The following ACSM4 variants were observed in gnomAD, a reference collection of about 807,000 sequenced individuals.
ACSM4 encodes the protein acyl-CoA synthetase medium chain family member 4.
Under a neutral mutation model 73.0 loss-of-function variants are expected in ACSM4, and 66 were observed. The ratio of observed to expected loss-of-function variants is 0.90; its 90% CI spans 0.74 to 1.11. The LOEUF (loss-of-function observed/expected upper bound fraction) is 1.11, where lower values mean the gene tolerates loss of function less well. Ranked by LOEUF, ACSM4 falls within the 50% of genes least tolerant of loss-of-function variation. The pLI is 0.00. For synonymous variants in ACSM4, 222 were observed against 254.0 expected, an observed-to-expected ratio of 0.87 and a Z score of 1.20; for missense variants, 645 against 714.4, an observed-to-expected ratio of 0.90 and a Z score of 1.11.
At chr12:7,305,329 A>G (rs1187570870) in intron 1 of ACSM4, among the ~76,000 whole-genome samples, 1 of 152,234 alleles carries the variant, frequency 6.6e-6, no homozygotes, top group Non-Finnish European at 1.5e-5. Flanking sequence ...TTGTCCAATA[A>G]TGGTGCTGAT....
intron 6 of ACSM4, among the ~76,000 whole-genome samples, chr12:7,321,736 TA>T (rs1946465381): frequency 6.6e-6 from 1 of 152,244 alleles, no homozygotes; most frequent in Admixed American, 6.5e-5. Context: ...GGTTAAAAGC[TA>T]AGCTCCAAAG....
intron 6 of ACSM4, among the ~76,000 whole-genome samples, chr12:7,321,671 G>C (rs1946464782): frequency 6.6e-6 from 1 of 152,240 alleles, no homozygotes. Context: ...TGGGGCCTCA[G>C]TGTATGAGAA....
intron 11 of ACSM4, among the ~76,000 whole-genome samples, chr12:7,326,703 T>C (rs1028162785): frequency 6.6e-6 from 1 of 152,198 alleles, no homozygotes; most frequent in Non-Finnish European, 1.5e-5. Context: ...ATCAGTCTGA[T>C]TGAAATGTTA....
chr12:7,317,891 C>T, intron 4 of ACSM4, 135 bp from the exon 5 acceptor site: 1 of 945,304 alleles, frequency 1.1e-6, no homozygotes, highest in Non-Finnish European at 1.5e-6. Flanking sequence ...GAATCTATCA[C>T]CTTGCCTGGG....
rs1246391484 is a variant in ACSM4 at position 7,318,015 on chromosome 12, A to G, written c.765-11A>G. The stretch of plus-strand genomic sequence containing the variant: ...TTTTGGTCTGTTTTGTTGCTTTTTC[A>G]TATCATTTAGGTATTGGCTGGACTT... On this transcript the variant is annotated splice_polypyrimidine_tract_variant and intron_variant, in intron 4 of 12. Transcript: ENST00000399422. The G allele has an allele frequency of 1.9e-6, 3 of 1,609,356 alleles. No individual in the cohort carries two copies. Among genetic ancestry groups the G allele is most frequent in the South Asian group, 1.1e-5 (1 of 90,400 alleles).
At position 7,304,548 on chromosome 12, in the gene ACSM4, C is replaced by A. The variant is rs767084744; in HGVS notation, c.201+16C>A. The A allele has an allele frequency of 1.2e-6, 2 of 1,608,090 alleles. No homozygotes were observed. The highest frequency in any genetic ancestry group is 1.7e-6 in the Non-Finnish European group (2 of 1,175,950). ...AAAGGAGAAGGTATATGACGATGGG[C>A]TTCCAGTAGATGCTTGGTGTCCCCT... On this transcript the variant is annotated intron_variant, in intron 1 of 12. Coordinates refer to ENST00000399422, the MANE Select transcript of ACSM4 (RefSeq NM_001080454.2).
chr12:7,306,530 C>A lies in ACSM4; in HGVS notation c.202-3C>A. ...CCTCTCTTTTCCATGTGTCCCTGGTCAGACAGGGGAGAGACCAGCTAACCC... is the reference window on the plus strand; with the variant it reads ...CCTCTCTTTTCCATGTGTCCCTGGTAAGACAGGGGAGAGACCAGCTAACCC... On this transcript the variant is annotated splice_polypyrimidine_tract_variant and splice_region_variant and intron_variant, in intron 1 of 12. Coordinates refer to ENST00000399422, the MANE Select transcript of ACSM4 (RefSeq NM_001080454.2). 1 of 1,585,140 alleles carries A rather than the reference C, an allele frequency of 6.3e-7. No homozygotes were observed. Among genetic ancestry groups the A allele is most frequent in the South Asian group, 1.2e-5 (1 of 86,540 alleles).
chr12:7,327,539 T>A (rs1039839063), intron 12 of ACSM4, among the ~76,000 whole-genome samples: 2 of 152,212 alleles, frequency 1.3e-5, no homozygotes. Context: ...CTATGGAATC[T>A]TTCCTGAAAC....
chr12:7,317,604 AT>A (rs1447517819), intron 4 of ACSM4, among the ~76,000 whole-genome samples: 2 of 152,058 alleles, frequency 1.3e-5, no homozygotes, highest in Non-Finnish European at 2.9e-5. Context: ...ATCCTATTTT[AT>A]TTTCCTCATG....
At chr12:7,316,739 T>C (rs980022066) in intron 3 of ACSM4, among the ~76,000 whole-genome samples, 3 of 152,212 alleles carry the variant, frequency 2.0e-5, no homozygotes, top group African/African-American at 7.2e-5. Context: ...CTTTAAATAA[T>C]AAAAACTCCT....
At chr12:7,315,756 T>A (rs1336168119) in intron 3 of ACSM4, among the ~76,000 whole-genome samples, 1 of 152,080 alleles carries the variant, frequency 6.6e-6, no homozygotes, top group African/African-American at 2.4e-5. Context: ...TGCTCATGAG[T>A]CCATGGGTCA....
intron 3 of ACSM4, among the ~76,000 whole-genome samples, chr12:7,311,632 G>C: frequency 6.6e-6 from 1 of 152,198 alleles, no homozygotes; most frequent in East Asian, 1.9e-4. Context: ...CTCTAGAGTA[G>C]GGTTTGGCAA....
chr12:7,324,687 A>T, intron 11 of ACSM4, 89 bp downstream of exon 11: 1 of 1,386,574 alleles, frequency 7.2e-7, no homozygotes, highest in Non-Finnish European at 1.0e-6. Flanking sequence ...AAGAGAGGTC[A>T]ATCTATTAAT....
intron 3 of ACSM4, among the ~76,000 whole-genome samples, chr12:7,315,836 C>T (rs1946417491): frequency 6.6e-6 from 1 of 152,124 alleles, no homozygotes; most frequent in Non-Finnish European, 1.5e-5. Flanking sequence ...GCTCAAGTAT[C>T]CAAGGTGGGT....
chr12:7,310,472 C>T (rs1461469009), intron 2 of ACSM4, 67 bp from the exon 3 acceptor site: 1 of 1,466,710 alleles, frequency 6.8e-7, no homozygotes, highest in East Asian at 2.5e-5. Context: ...CTCACCGAGG[C>T]ACAAAGCCCA....
chr12:7,317,092 T>C, intron 3 of ACSM4, 45 bp from the exon 4 acceptor site: 1 of 1,574,618 alleles, frequency 6.4e-7, no homozygotes, highest in Non-Finnish European at 8.6e-7. Context: ...AGAGTCAAAC[T>C]GGTCTGCCAT....
intron 3 of ACSM4, among the ~76,000 whole-genome samples, chr12:7,315,625 AT>A (rs900514458): frequency 2.6e-5 from 4 of 152,220 alleles, no homozygotes; most frequent in African/African-American, 7.2e-5. Flanking sequence ...AAATAAAAAA[AT>A]AAATAAAAAT....
At chr12:7,313,366 T>C (rs1048940026) in intron 3 of ACSM4, among the ~76,000 whole-genome samples, 1 of 151,566 alleles carries the variant, frequency 6.6e-6, no homozygotes, top group Non-Finnish European at 1.5e-5. Flanking sequence ...AAAAAGGCCA[T>C]GGACTGTTTC....
intron 12 of ACSM4, among the ~76,000 whole-genome samples, chr12:7,327,549 CCTT>C: frequency 6.6e-6 from 1 of 152,124 alleles, no homozygotes; most frequent in East Asian, 1.9e-4. Flanking sequence ...TTTCCTGAAA[CCTT>C]CTTCAAAGAA....
Sources: gnomAD v4.1 joint callset for allele counts (sites outside exome capture counted in the v4.1 genomes callset) on GRCh38, gnomAD v4.1.1 for gene constraint, MANE v1.5 for transcripts, NCBI Gene and HGNC (gene_info 2026-07-23, HGNC 2026-07-21) for gene names.